The following FNDC5 variants were observed in gnomAD, a reference collection of about 807,000 sequenced individuals.
The protein encoded by FNDC5 is fibronectin type III domain-containing protein 5.
In FNDC5, 10 loss-of-function variants were observed where a neutral mutation model predicts 24.6. The observed-to-expected ratio is 0.41, with a 90% CI of 0.25 to 0.69. The LOEUF (loss-of-function observed/expected upper bound fraction) is 0.69, where lower values mean the gene tolerates loss of function less well. Among genes scored for constraint, FNDC5 ranks in the 30% least tolerant of loss-of-function variants. FNDC5 has a pLI of 0.34. For missense variants in FNDC5, 226 were observed against 282.9 expected (o/e 0.80, Z 1.44); for synonymous variants, 90 against 110.7 (o/e 0.81, Z 1.18).
At position 32,868,298 on chromosome 1, in the gene FNDC5, AC is replaced by A. The variant is rs772354615; in HGVS notation, c.300del (p.Glu100AspfsTer3). 7 of 1,613,898 alleles carry A rather than the reference AC, an allele frequency of 4.3e-6. No homozygotes were observed. In the Admixed American group the frequency reaches 1.2e-4, roughly 27 times the overall value. ...GAGATGGCCTGCACGTGGACTATGT[AC>A]TCCGTATCCTCCTCCAGGTCCCAGA... On this transcript the variant is annotated frameshift_variant, in exon 3 of 6. Coordinates refer to ENST00000373471, the MANE Select transcript of FNDC5 (RefSeq NM_153756.3). LOFTEE classifies it high-confidence loss of function. The surrounding 1 kb of genome is among the most constrained non-coding windows in gnomAD (Gnocchi z 4.8).
chr1:32,864,870 G>C, intron 4 of FNDC5, 73 bp from the exon 5 acceptor site: 1 of 1,581,406 alleles, frequency 6.3e-7, no homozygotes, highest in Non-Finnish European at 8.6e-7. Flanking sequence ...TCCCACTAGT[G>C]CTTGCCAATG....
rs1316095679 is a variant in FNDC5, at chr1:32,863,100, T to A, written c.*1194A>T. ...TCCAAGAGATACTTCCTAAATAAAT[T>A]GGACCAGTACCTTCCAAACTGATGA... On this transcript the variant is annotated 3_prime_UTR_variant, in exon 6 of 6. Coordinates refer to ENST00000373471, the MANE Select transcript of FNDC5 (RefSeq NM_153756.3). 1 of 152,496 alleles carries A rather than the reference T, an allele frequency of 6.6e-6. No homozygotes were observed. The highest frequency in any genetic ancestry group is 1.5e-5 in the Non-Finnish European group (1 of 68,064). 9.4% of individuals were successfully genotyped at this position (152,496 alleles called of 1,614,324 possible). A position where few individuals can be genotyped will look rare whatever the true frequency, so the allele number is the denominator to read the frequency against.
At position 32,868,228 on chromosome 1, in the gene FNDC5, G is replaced by T; in HGVS notation, c.371C>A (p.Thr124Asn). 1 of 1,614,192 alleles carries T rather than the reference G, an allele frequency of 6.2e-7. No homozygotes were observed. Among genetic ancestry groups the T allele is most frequent in the Middle Eastern group, 1.6e-4 (1 of 6,062 alleles). Reference sequence around the variant, plus strand: ...GGCCATCTTCTCAGCCTCACGCGGGGTCTTGAAGAGCACAGGCTCGCTGGC... The same window carrying T: ...GGCCATCTTCTCAGCCTCACGCGGGTTCTTGAAGAGCACAGGCTCGCTGGC... Residue 124 changes from threonine to asparagine, a missense_variant, in exon 3 of 6, where the codon ACC (threonine) becomes AAC (asparagine). By Grantham distance (65) the Thr-to-Asn change is moderately conservative (BLOSUM62 0). Transcript: ENST00000373471. The surrounding 1 kb of genome is among the most constrained non-coding windows in gnomAD (Gnocchi z 4.8).
rs574690918 is a variant in FNDC5, at chr1:32,863,809, C to G, written c.*485G>C. 2.1e-5 allele frequency: 28 copies of G among 1,304,826 alleles called. No homozygotes were observed. The highest frequency in any genetic ancestry group is 9.2e-5 in the Admixed American group (4 of 43,574). 80.8% of individuals were successfully genotyped at this position (1,304,826 alleles called of 1,614,324 possible). A position where few individuals can be genotyped will look rare whatever the true frequency, so the allele number is the denominator to read the frequency against. On this transcript the variant is annotated 3_prime_UTR_variant, in exon 6 of 6. Coordinates refer to ENST00000373471, the MANE Select transcript of FNDC5 (RefSeq NM_153756.3). ...GAAAAAAATGAGAGAAGCAGCCAGG[C>G]CTAATTGTGAATAGCCTTCTTGCAA... is the stretch of plus-strand genomic sequence containing the variant.
In FNDC5 at chr1:32,863,934, C is replaced by T; in HGVS notation, c.*360G>A. 1.6e-6 allele frequency: 2 copies of T among 1,271,818 alleles called. No homozygotes were observed. Among genetic ancestry groups the T allele is most frequent in the Non-Finnish European group, 2.0e-6 (2 of 987,050 alleles). The allele number at this position is 1,271,818 out of a possible 1,614,324, so 78.8% of individuals were successfully genotyped here. ...TGTGGAAAGAAAAGAGAAGCCCTGC[C>T]TGGATGTCTTGTCTTTTTGCCTTTT... On this transcript the variant is annotated 3_prime_UTR_variant, in exon 6 of 6. Transcript: ENST00000373471.
rs1019886178 is a variant in FNDC5 at position 32,863,509 on chromosome 1, C to G, written c.*785G>C. ...AAGGCTGTGTCTCATGCAGCTTTGCCTTTTCCAGAATGGGGCCAGGCCTTT... is the reference window on the plus strand; with the variant it reads ...AAGGCTGTGTCTCATGCAGCTTTGCGTTTTCCAGAATGGGGCCAGGCCTTT... On this transcript the variant is annotated 3_prime_UTR_variant, in exon 6 of 6. Coordinates refer to ENST00000373471, the MANE Select transcript of FNDC5 (RefSeq NM_153756.3). 3 of 374,148 alleles carry G rather than the reference C, an allele frequency of 8.0e-6. No individual in the cohort carries two copies. Among genetic ancestry groups the G allele is most frequent in the African/African-American group, 6.4e-5 (3 of 47,058 alleles). 23.2% of individuals were successfully genotyped at this position (374,148 alleles called of 1,614,324 possible).
intron 4 of FNDC5, among the ~76,000 whole-genome samples, chr1:32,866,052 T>C (rs1641064756): frequency 6.6e-6 from 1 of 152,226 alleles, no homozygotes; most frequent in Non-Finnish European, 1.5e-5. Context: ...GAATGTTATT[T>C]CTTGATCTAT....
chr1:32,865,521 G>A (rs1641054769), intron 4 of FNDC5, among the ~76,000 whole-genome samples: 1 of 151,924 alleles, frequency 6.6e-6, no homozygotes, highest in African/African-American at 2.4e-5. Context: ...GTGGTGGCAG[G>A]TGCCTATAAT....
chr1:32,863,616 G>T lies in FNDC5; in HGVS notation c.*678C>A, dbSNP rs977519581. 5.0e-6 allele frequency: 5 copies of T among 1,000,596 alleles called. No individual in the cohort carries two copies. In the South Asian group the frequency reaches 6.7e-5, roughly 13 times the overall value. 62.0% of individuals were successfully genotyped at this position (1,000,596 alleles called of 1,614,324 possible). A position where few individuals can be genotyped will look rare whatever the true frequency, so the allele number is the denominator to read the frequency against. On this transcript the variant is annotated 3_prime_UTR_variant, in exon 6 of 6. Transcript: ENST00000373471. ...CTTCATCTGACTAGGACAAGGAGAA[G>T]AGAGAACTGTGCAGCTAGCTGTGCC...
intron 1 of FNDC5, among the ~76,000 whole-genome samples, chr1:32,869,331 G>GTCC (rs2148711313): frequency 6.6e-6 from 1 of 152,370 alleles, no homozygotes; most frequent in African/African-American, 2.4e-5. Flanking sequence ...TTATGTAGGG[G>GTCC]ACATAGGTGG....
chr1:32,867,818 C>T lies in FNDC5; in HGVS notation c.434G>A (p.Gly145Glu). The change falls in exon 4 of 6, where the codon GGG becomes GAG. Residue 145 changes from glycine (G) to glutamate (E), a missense_variant. Transcript: ENST00000373471. ...GCCTGTCCGCAGCTGTTGGTTCCTC[C>T]CCATCTCTTTCATGGTTACCTCATC... The T allele has an allele frequency of 1.2e-6, 2 of 1,614,026 alleles. No homozygotes were observed. Among genetic ancestry groups the T allele is most frequent in the South Asian group, 2.2e-5 (2 of 91,078 alleles).
intron 1 of FNDC5, among the ~76,000 whole-genome samples, 178 bp from the exon 2 acceptor site, chr1:32,869,175 A>G (rs1169780088): frequency 6.6e-6 from 1 of 152,256 alleles, no homozygotes; most frequent in Non-Finnish European, 1.5e-5. Context: ...TTGAAGAACC[A>G]AGCCCAAGAG....
intron 4 of FNDC5, among the ~76,000 whole-genome samples, chr1:32,867,154 G>A (rs1422516280): frequency 1.3e-5 from 2 of 152,178 alleles, no homozygotes; most frequent in African/African-American, 4.8e-5. Context: ...CAGACCACAG[G>A]TAAAGGAGAG....
chr1:32,868,085 A>G lies in FNDC5; in HGVS notation c.409+105T>C. The G allele has an allele frequency of 7.4e-7, 1 of 1,343,424 alleles. No individual in the cohort carries two copies. Among genetic ancestry groups the G allele is most frequent in the Non-Finnish European group, 1.0e-6 (1 of 962,056 alleles). The allele number at this position is 1,343,424 out of a possible 1,614,324, so 83.2% of individuals were successfully genotyped here. ...CTCAGGTACTGCTTTACTTGCCAGCAGGGGATAAGGGGGAGGAGACAGAGC... is the reference window on the plus strand; with the variant it reads ...CTCAGGTACTGCTTTACTTGCCAGCGGGGGATAAGGGGGAGGAGACAGAGC... On this transcript the variant is annotated intron_variant, in intron 3 of 5. Transcript: ENST00000373471. The surrounding 1 kb of genome is among the most constrained non-coding windows in gnomAD (Gnocchi z 4.8).
chr1:32,864,896 A>T, intron 4 of FNDC5, 99 bp from the exon 5 acceptor site: 1 of 1,520,478 alleles, frequency 6.6e-7, no homozygotes, highest in Non-Finnish European at 8.8e-7. Context: ...TCCAGATTGT[A>T]CCTCACCTGT....
intron 4 of FNDC5, among the ~76,000 whole-genome samples, chr1:32,866,454 C>T (rs1024411381): frequency 3.3e-5 from 5 of 152,196 alleles, no homozygotes; most frequent in Non-Finnish European, 7.3e-5. Context: ...TACCTTCTTT[C>T]TTGGATTGCA....
chr1:32,870,648 C>T lies in FNDC5; in HGVS notation c.94+5G>A. On this transcript the variant is annotated splice_donor_5th_base_variant and intron_variant, in intron 1 of 5. Transcript: ENST00000373471. ...GCGCCGGCCCCCCGCCCCGGGCCCC[C>T]TTACCCGCCTGCACCAGCGCGAAGC... 3 of 1,207,612 alleles carry T rather than the reference C, an allele frequency of 2.5e-6. No individual in the cohort carries two copies. Among genetic ancestry groups the T allele is most frequent in the Non-Finnish European group, 3.1e-6 (3 of 972,146 alleles). 74.8% of individuals were successfully genotyped at this position (1,207,612 alleles called of 1,614,324 possible).
Position 32,864,279 on chromosome 1 carries a change from G to A in FNDC5, c.*15C>T. 3.7e-6 allele frequency: 6 copies of A among 1,614,182 alleles called. No individual in the cohort carries two copies. Among genetic ancestry groups the A allele is most frequent in the Non-Finnish European group, 4.2e-6 (5 of 1,180,028 alleles). ...CTGTCTTCTTAGCTGCTGAGGGCAA[G>A]CACTGAAAAGGTTTTCATATCTGTT... is the stretch of plus-strand genomic sequence containing the variant. On this transcript the variant is annotated 3_prime_UTR_variant, in exon 6 of 6. Transcript: ENST00000373471.
Position 32,868,040 on chromosome 1 carries a change from G to A in FNDC5, c.409+150C>T. 4.7e-6 allele frequency: 5 copies of A among 1,064,442 alleles called. No individual in the cohort carries two copies. Among genetic ancestry groups the A allele is most frequent in the Non-Finnish European group, 7.0e-6 (5 of 717,020 alleles). 65.9% of individuals were successfully genotyped at this position (1,064,442 alleles called of 1,614,324 possible). On this transcript the variant is annotated intron_variant, in intron 3 of 5. Coordinates refer to ENST00000373471, the MANE Select transcript of FNDC5 (RefSeq NM_153756.3). The surrounding 1 kb of genome is among the most constrained non-coding windows in gnomAD (Gnocchi z 4.8). ...AGTTTATATGCTCAGCGTCTTGTCAGGGACTAGCGTGAACCCTCTCTCAGG... is the reference window on the plus strand; with the variant it reads ...AGTTTATATGCTCAGCGTCTTGTCAAGGACTAGCGTGAACCCTCTCTCAGG...
Sources: gnomAD v4.1 joint callset for allele counts (sites outside exome capture counted in the v4.1 genomes callset) on GRCh38, gnomAD v4.1.1 for gene constraint, Gnocchi (gnomAD v3.1) non-coding constraint, MANE v1.5 for transcripts, NCBI Gene and HGNC (gene_info 2026-07-23, HGNC 2026-07-21) for gene names.